Variants in ANKHD1 observed in about 807,000 individuals in gnomAD.
ANKHD1 encodes ankyrin repeat and KH domain containing 1, also known as ankyrin repeat and KH domain-containing protein 1.
Under a neutral mutation model 230.5 loss-of-function variants are expected in ANKHD1, and 31 were observed. The observed-to-expected ratio is 0.13, with a 90% CI of 0.10 to 0.18. The LOEUF (loss-of-function observed/expected upper bound fraction) is 0.18, where lower values mean the gene tolerates loss of function less well. Ranked by LOEUF, ANKHD1 falls within the 10% of genes least tolerant of loss-of-function variation. The pLI is 1.00. For missense variants in ANKHD1, 2,256 were observed against 3,071.3 expected, an observed-to-expected ratio of 0.73 and a Z score of 6.27; for synonymous variants, 1,074 against 1,117.6, an observed-to-expected ratio of 0.96 and a Z score of 0.78.
At chr5:140,441,195 C>T (rs1456426062) in intron 5 of ANKHD1, 53 bp downstream of exon 5, 2 of 1,434,884 alleles carry the variant, frequency 1.4e-6, no homozygotes, top group African/African-American at 2.9e-5. Flanking sequence ...TAATTATTAC[C>T]TGAGAGAGAG....
intron 23 of ANKHD1, 124 bp downstream of exon 23, chr5:140,513,047 T>C (rs1273700530): frequency 3.2e-6 from 3 of 942,160 alleles, no homozygotes; most frequent in Non-Finnish European, 4.7e-6. Context: ...TTTATGCGTT[T>C]GTTTCTCCAT....
chr5:140,413,110 A>G lies in ANKHD1; in HGVS notation c.306+10837A>G, dbSNP rs62385189. ...AAGTATATCCCTAGAGGTTACCCCT[A>G]AGAACCAACTAAGAACCAAAGAGTT... On this transcript the variant is annotated intron_variant, in intron 1 of 33. Transcript: ENST00000360839. Among the ~76,000 whole-genome samples the G allele has an allele frequency of 2.6e-5, 4 of 152,348 alleles. No homozygotes were observed. The South Asian group carries it at 8.3e-4, about 32-fold the overall frequency.
intron 1 of ANKHD1, among the ~76,000 whole-genome samples, chr5:140,419,782 CTT>C (rs994073011): frequency 7.7e-5 from 3 of 38,768 alleles, no homozygotes; most frequent in African/African-American, 2.9e-4. Context: ...CTTTTTCTTT[CTT>C]TCTTTCTTTC....
chr5:140,402,832 C>T (rs1561665994), intron 1 of ANKHD1, among the ~76,000 whole-genome samples: 1 of 152,088 alleles, frequency 6.6e-6, no homozygotes, highest in South Asian at 2.1e-4. Flanking sequence ...CGTGACTCCT[C>T]CTTCTGGGAC....
At position 140,529,506 on chromosome 5, in the gene ANKHD1, A is replaced by G; in HGVS notation, c.6560A>G (p.Asn2187Ser). 6.2e-7 allele frequency: 1 copy of G among 1,614,182 alleles called. No homozygotes were observed. Among genetic ancestry groups the G allele is most frequent in the Admixed American group, 1.7e-5 (1 of 60,022 alleles). ...VQLSSAVNIM[N>S]GSQMHINPAN... Reference sequence around the variant, plus strand: ...CTTTCTTCAGCTGTGAACATTATGAATGGTTCTCAGATGCACATAAACCCA... The same window carrying G: ...CTTTCTTCAGCTGTGAACATTATGAGTGGTTCTCAGATGCACATAAACCCA... Residue 2187 changes from asparagine to serine, a missense_variant, in exon 29 of 34, where the codon AAT (asparagine) becomes AGT (serine). Physicochemically the swap from Asn to Ser is conservative, Grantham distance 46. Coordinates refer to ENST00000360839, the MANE Select transcript of ANKHD1 (RefSeq NM_017747.3).
chr5:140,449,430 C>A (rs955909644), intron 7 of ANKHD1, 125 bp downstream of exon 7: 1 of 1,089,070 alleles, frequency 9.2e-7, no homozygotes, highest in Non-Finnish European at 1.3e-6. Context: ...TTTGAGAGGC[C>A]AAGTCGGGCG....
chr5:140,528,785 C>T lies in ANKHD1; in HGVS notation c.5839C>T (p.Leu1947=), dbSNP rs1309061744. 1.2e-6 allele frequency: 2 copies of T among 1,614,026 alleles called. No individual in the cohort carries two copies. The highest frequency in any genetic ancestry group is 1.7e-6 in the Non-Finnish European group (2 of 1,180,038). The stretch of plus-strand genomic sequence containing the variant: ...TTCTGTAGTTGCTGCCAGTCAGCAA[C>T]TGTGTGTCACTAATACCCGGACTCC... ...VSSVVAASQQ[L]CVTNTRTPSS... The change falls in exon 29 of 34, where the codon CTG becomes TTG. Residue 1947 remains leucine (L), a synonymous_variant. Coordinates refer to ENST00000360839, the MANE Select transcript of ANKHD1 (RefSeq NM_017747.3).
intron 7 of ANKHD1, among the ~76,000 whole-genome samples, chr5:140,450,697 G>A (rs1409937254): frequency 6.6e-6 from 1 of 152,030 alleles, no homozygotes; most frequent in African/African-American, 2.4e-5. Flanking sequence ...ACGTTACCAT[G>A]CCTAGCTAAC....
chr5:140,485,822 C>T lies in ANKHD1; in HGVS notation c.2142+90C>T. 2 of 1,536,966 alleles carry T rather than the reference C, an allele frequency of 1.3e-6. No homozygotes were observed. Among genetic ancestry groups the T allele is most frequent in the South Asian group, 2.5e-5 (2 of 80,980 alleles). On this transcript the variant is annotated intron_variant, in intron 13 of 33. Transcript: ENST00000360839. This position sits in a 1 kb window ranked among gnomAD's most constrained non-coding sequence, Gnocchi z 4.8. ...TAAAATCAGTTTTAAGCAAAATGGA[C>T]TTGTTTTTATTCTCTGTTACATATT...
chr5:140,401,924 G>C lies in ANKHD1; in HGVS notation c.-44G>C. The C allele has an allele frequency of 6.5e-7, 1 of 1,528,994 alleles. No homozygotes were observed. Among genetic ancestry groups the C allele is most frequent in the South Asian group, 1.3e-5 (1 of 79,698 alleles). 94.7% of individuals were successfully genotyped at this position (1,528,994 alleles called of 1,614,324 possible). ...CGTTCCCGAGATCAGCGGCGGCGGT[G>C]ACCGCGAGTGGGTCGGCACCGTCTC... is the stretch of plus-strand genomic sequence containing the variant. On this transcript the variant is annotated 5_prime_UTR_variant, in exon 1 of 34. Coordinates refer to ENST00000360839, the MANE Select transcript of ANKHD1 (RefSeq NM_017747.3).
intron 1 of ANKHD1, among the ~76,000 whole-genome samples, chr5:140,423,015 C>T (rs1197751890): frequency 6.6e-6 from 1 of 151,716 alleles, no homozygotes; most frequent in Non-Finnish European, 1.5e-5. Flanking sequence ...CCACACCCCA[C>T]CCCTGCAGCT....
chr5:140,447,139 A>G (rs1347366865), intron 6 of ANKHD1, among the ~76,000 whole-genome samples: 1 of 151,902 alleles, frequency 6.6e-6, no homozygotes, highest in Non-Finnish European at 1.5e-5. Flanking sequence ...CTGACCTCAA[A>G]TGATCCACCT....
chr5:140,436,715 C>A, intron 2 of ANKHD1, among the ~76,000 whole-genome samples: 1 of 150,012 alleles, frequency 6.7e-6, no homozygotes, highest in Non-Finnish European at 1.5e-5. Flanking sequence ...CATAGCACTC[C>A]ATCCTGGGCA....
rs70988767 is a variant in ANKHD1, at chr5:140,503,553, C to CTTTTTTTTTT, written c.3005-1245_3005-1236dup. On this transcript the variant is annotated intron_variant, in intron 15 of 33. Coordinates refer to ENST00000360839, the MANE Select transcript of ANKHD1 (RefSeq NM_017747.3). ...AATTTCTTTTAACTCAGTTTTCTTT[C>CTTTTTTTTTT]TTTTTTTTTTTTTTTTTTTTTTTTT... Among the ~76,000 whole-genome samples the CTTTTTTTTTT allele has an allele frequency of 4.1e-3, 210 of 51,418 alleles. 14 individuals carry two copies. The highest frequency in any genetic ancestry group is 4.5e-3 in the African/African-American group (51 of 11,444). The allele number at this position is 51,418 out of a possible 152,430, so 33.7% of individuals were successfully genotyped here.
At chr5:140,495,487 C>T (rs1189279168) in intron 14 of ANKHD1, among the ~76,000 whole-genome samples, 4 of 151,948 alleles carry the variant, frequency 2.6e-5, no homozygotes, top group Admixed American at 6.6e-5. Context: ...CCTTGTGATC[C>T]GCCTGCCTCT....
intron 9 of ANKHD1, among the ~76,000 whole-genome samples, chr5:140,463,826 TTTTGTTTG>T (rs934735666): frequency 6.6e-6 from 1 of 151,830 alleles, no homozygotes; most frequent in African/African-American, 2.4e-5. Context: ...TGGCTAATTT[TTTTGTTTG>T]TTTGTTTGTT....
intron 6 of ANKHD1, among the ~76,000 whole-genome samples, chr5:140,447,332 A>G (rs1581258397): frequency 6.6e-6 from 1 of 152,116 alleles, no homozygotes; most frequent in Admixed American, 6.6e-5. Context: ...CCTCCTGAAT[A>G]GCTAGGATTA....
chr5:140,431,569 G>A (rs1292511435), intron 1 of ANKHD1, among the ~76,000 whole-genome samples: 1 of 152,178 alleles, frequency 6.6e-6, no homozygotes, highest in Non-Finnish European at 1.5e-5. Flanking sequence ...TGTAAGGTAG[G>A]TGGGGCAGAT....
At chr5:140,523,803 C>T (rs1457983268) in intron 24 of ANKHD1, among the ~76,000 whole-genome samples, 1 of 151,940 alleles carries the variant, frequency 6.6e-6, no homozygotes, top group Non-Finnish European at 1.5e-5. Context: ...TCAGGTAATC[C>T]ACCGACCTCG....
Sources: gnomAD v4.1 joint callset for allele counts (sites outside exome capture counted in the v4.1 genomes callset) on GRCh38, gnomAD v4.1.1 for gene constraint, Gnocchi (gnomAD v3.1) non-coding constraint, MANE v1.5 for transcripts, NCBI Gene and HGNC (gene_info 2026-07-23, HGNC 2026-07-21) for gene names.